VPS35L: variants seen among roughly 807,000 people sequenced by gnomAD.
VPS35L encodes VPS35 endosomal protein-sorting factor-like.
In VPS35L, 83 loss-of-function variants were observed where a neutral mutation model predicts 133.0. The ratio of observed to expected loss-of-function variants is 0.62; its 90% confidence interval spans 0.52 to 0.75. The LOEUF is 0.75. VPS35L is among the 30% of genes least tolerant of loss of function. The pLI is 0.00. For synonymous variants in VPS35L, 423 were observed against 449.9 expected, an observed-to-expected ratio of 0.94 and a Z score of 0.76; for missense variants, 1,083 against 1,206.8, an observed-to-expected ratio of 0.90 and a Z score of 1.52.
chr16:19,693,977 G>GA (rs1367460052), intron 29 of VPS35L: 2 of 138,736 alleles, frequency 1.4e-5, no homozygotes, highest in East Asian at 4.2e-4. Context: ...AAAAAAAAAA[G>GA]AAAAAAGGGG....
At chr16:19,576,365 T>C (rs2151513145) in intron 5 of VPS35L, among the ~76,000 whole-genome samples, 2 of 152,244 alleles carry the variant, frequency 1.3e-5, no homozygotes, top group Admixed American at 1.3e-4. Flanking sequence ...ACATGCTTAG[T>C]CTTATACGTC....
In VPS35L at chr16:19,691,433, C is replaced by A; in HGVS notation, c.2608C>A (p.Gln870Lys). 2 of 1,614,040 alleles carry A rather than the reference C, an allele frequency of 1.2e-6. No individual in the cohort carries two copies. The highest frequency in any genetic ancestry group is 1.1e-5 in the South Asian group (1 of 91,060). Residue 870 changes from glutamine (Q) to lysine (K), a missense_variant, in exon 29 of 31, where the codon CAG (glutamine) becomes AAG (lysine). Transcript: ENST00000417362. ...CAAGCTGTGTGAGACGGTGATGGCT[C>A]AGATCCTAGAGCATCTGAAAACCCT... ...NNKLCETVMA[Q>K]ILEHLKTLAK...
chr16:19,597,270 C>G (rs1303179080), intron 8 of VPS35L, among the ~76,000 whole-genome samples: 1 of 151,604 alleles, frequency 6.6e-6, no homozygotes, highest in Non-Finnish European at 1.5e-5. Flanking sequence ...ACTTAGGAGG[C>G]AGAGGCAGGC....
chr16:19,661,776 G>A (rs1974493331), intron 26 of VPS35L, among the ~76,000 whole-genome samples: 1 of 152,152 alleles, frequency 6.6e-6, no homozygotes, highest in Non-Finnish European at 1.5e-5. Flanking sequence ...CACATACAGG[G>A]AACTGGGGTG....
intron 11 of VPS35L, among the ~76,000 whole-genome samples, chr16:19,609,489 A>G (rs1320166512): frequency 6.6e-6 from 1 of 152,182 alleles, no homozygotes; most frequent in Admixed American, 6.5e-5. Flanking sequence ...GATGATGATG[A>G]AAATGACGTC....
At chr16:19,688,761 A>T (rs1021597361) in intron 28 of VPS35L, among the ~76,000 whole-genome samples, 24 of 152,288 alleles carry the variant, frequency 1.6e-4, no homozygotes, top group African/African-American at 4.8e-4. Flanking sequence ...AGCTGGAATG[A>T]AAGCAGCTGT....
chr16:19,675,845 C>G (rs1002354575), intron 27 of VPS35L, among the ~76,000 whole-genome samples: 5 of 152,132 alleles, frequency 3.3e-5, no homozygotes, highest in African/African-American at 1.2e-4. Context: ...CCACTGCACC[C>G]GGTCCCCATA....
chr16:19,684,930 C>T (rs570738257), intron 28 of VPS35L, among the ~76,000 whole-genome samples: 2 of 151,950 alleles, frequency 1.3e-5, no homozygotes, highest in African/African-American at 2.4e-5. Flanking sequence ...TGTTGGCAAG[C>T]GCCTATAATC....
chr16:19,621,934 A>C (rs1973094415), intron 14 of VPS35L, among the ~76,000 whole-genome samples: 1 of 151,994 alleles, frequency 6.6e-6, no homozygotes, highest in African/African-American at 2.4e-5. Context: ...ATCTTTCCAG[A>C]ATTGGTGGGC....
At chr16:19,673,142 G>C (rs1228104015) in intron 27 of VPS35L, among the ~76,000 whole-genome samples, 1 of 152,214 alleles carries the variant, frequency 6.6e-6, no homozygotes, top group Non-Finnish European at 1.5e-5. Flanking sequence ...TGATAGCTGG[G>C]AAAGTGCTTT....
At chr16:19,643,309 G>C (rs916708013) in intron 22 of VPS35L, among the ~76,000 whole-genome samples, 3 of 152,186 alleles carry the variant, frequency 2.0e-5, no homozygotes, top group African/African-American at 7.2e-5. Flanking sequence ...GAGACATTGG[G>C]TTTTGGCTTA....
At chr16:19,570,860 TATATATATATATATATATATATATATATA>T (rs1971347457) in intron 3 of VPS35L, among the ~76,000 whole-genome samples, 2 of 71,716 alleles carry the variant, frequency 2.8e-5, no homozygotes, top group Admixed American at 3.5e-4. Context: ...TATATATATA[TATATATATATATATATATATATATATATA>T]TTTTTGAGAT....
At chr16:19,643,995 A>G (rs1024316300) in intron 22 of VPS35L, among the ~76,000 whole-genome samples, 1 of 152,020 alleles carries the variant, frequency 6.6e-6, no homozygotes, top group African/African-American at 2.4e-5. Flanking sequence ...CGAAGTGGGC[A>G]TTTGTATTGA....
In VPS35L at chr16:19,573,194, C is replaced by T. The variant is rs140487282; in HGVS notation, c.361C>T (p.Arg121Trp). The change falls in exon 4 of 31, where the codon CGG (arginine) becomes TGG (tryptophan). Residue 121 changes from arginine to tryptophan, a missense_variant. Arg to Trp is a moderately radical substitution (Grantham distance 101). Transcript: ENST00000417362. ...GSDFEPWTNK[R>W]GEILARYTTT... Reference sequence around the variant, plus strand: ...GGATTTTGAGCCTTGGACCAACAAACGGGGAGAAATCCTTGCCCGGTACAC... The same window carrying T: ...GGATTTTGAGCCTTGGACCAACAAATGGGGAGAAATCCTTGCCCGGTACAC... 77 of 1,613,762 alleles carry T rather than the reference C, an allele frequency of 4.8e-5. No homozygotes were observed. Among genetic ancestry groups the T allele is most frequent in the Non-Finnish European group, 5.5e-5 (65 of 1,179,882 alleles).
intron 14 of VPS35L, among the ~76,000 whole-genome samples, chr16:19,619,241 C>T (rs1972999533): frequency 6.6e-6 from 1 of 152,048 alleles, no homozygotes; most frequent in East Asian, 1.9e-4. Context: ...CCGCCCATCT[C>T]TGTTTTCTAA....
At chr16:19,597,316 G>A (rs1282319496) in intron 8 of VPS35L, among the ~76,000 whole-genome samples, 1 of 151,398 alleles carries the variant, frequency 6.6e-6, no homozygotes, top group Non-Finnish European at 1.5e-5. Context: ...AGACTGCAGT[G>A]AGCTATGATG....
chr16:19,680,697 A>G (rs1975239957), intron 27 of VPS35L, among the ~76,000 whole-genome samples: 1 of 152,134 alleles, frequency 6.6e-6, no homozygotes, highest in Admixed American at 6.6e-5. Flanking sequence ...GGATCGCTTG[A>G]GCCCAGGACC....
chr16:19,580,398 C>T (rs1224212201), intron 6 of VPS35L, among the ~76,000 whole-genome samples: 3 of 152,084 alleles, frequency 2.0e-5, no homozygotes, highest in Admixed American at 6.5e-5. Context: ...AGATGTGAGC[C>T]ACCATGCCCA....
intron 28 of VPS35L, among the ~76,000 whole-genome samples, chr16:19,685,364 G>A (rs1045054196): frequency 3.3e-5 from 5 of 152,198 alleles, no homozygotes; most frequent in South Asian, 2.1e-4. Context: ...TATGCAAAAC[G>A]GTAGTTCACC....
Sources: allele counts gnomAD v4.1 joint callset (sites outside exome capture counted in the v4.1 genomes callset), GRCh38; gene constraint gnomAD v4.1.1; transcripts MANE v1.5; gene names NCBI Gene and HGNC (gene_info 2026-07-23, HGNC 2026-07-21).